The following FRMD4B variants were observed in gnomAD, a reference collection of about 807,000 sequenced individuals.
FRMD4B encodes FERM domain-containing protein 4B.
Under a neutral mutation model 141.5 loss-of-function variants are expected in FRMD4B, and 74 were observed. The ratio of observed to expected loss-of-function variants is 0.52; its 90% CI spans 0.43 to 0.63. The LOEUF is 0.63. Among genes scored for constraint, FRMD4B ranks in the 30% least tolerant of loss-of-function variants. The pLI, the probability that FRMD4B is intolerant of heterozygous loss-of-function variation, is 0.00. For synonymous variants in FRMD4B, 506 were observed against 467.9 expected (o/e 1.08, Z -1.05); for missense variants, 1,366 against 1,253.4 (o/e 1.09, Z -1.36).
At chr3:69,221,790 T>G (rs2093197371) in intron 9 of FRMD4B, 68 bp downstream of exon 9, 2 of 803,912 alleles carry the variant, frequency 2.5e-6, no homozygotes, top group Non-Finnish European at 4.3e-6. Flanking sequence ...ACAACAGAAA[T>G]CATTTCAAGT....
intron 1 of FRMD4B, among the ~76,000 whole-genome samples, chr3:69,527,804 G>T (rs1294114511): frequency 6.6e-6 from 1 of 152,158 alleles, no homozygotes; most frequent in Admixed American, 6.5e-5. Context: ...ATACAAATTT[G>T]ATTCTCAAGT....
intron 2 of FRMD4B, among the ~76,000 whole-genome samples, chr3:69,392,151 G>GCAT (rs1704395080): frequency 6.6e-6 from 1 of 152,218 alleles, no homozygotes. Flanking sequence ...TTCGCACTAT[G>GCAT]CATCAGGCAG....
At chr3:69,394,305 A>G (rs1192350751) in intron 2 of FRMD4B, among the ~76,000 whole-genome samples, 2 of 152,224 alleles carry the variant, frequency 1.3e-5, no homozygotes, top group Non-Finnish European at 2.9e-5. Context: ...TCCAAGCCCA[A>G]TTACCTCCCC....
At chr3:69,284,853 C>G (rs1200752260) in intron 5 of FRMD4B, among the ~76,000 whole-genome samples, 1 of 152,114 alleles carries the variant, frequency 6.6e-6, no homozygotes, top group Non-Finnish European at 1.5e-5. Context: ...GGATCCAAAT[C>G]AAACCTCTAA....
At chr3:69,262,760 C>T (rs2093536282) in intron 5 of FRMD4B, among the ~76,000 whole-genome samples, 1 of 151,634 alleles carries the variant, frequency 6.6e-6, no homozygotes, top group Admixed American at 6.6e-5. Flanking sequence ...GCGCCCGGTC[C>T]ACAAATAAGT....
chr3:69,484,895 C>T (rs1275993718), intron 1 of FRMD4B, among the ~76,000 whole-genome samples: 2 of 152,126 alleles, frequency 1.3e-5, no homozygotes, highest in Admixed American at 6.5e-5. Context: ...GAAAAAGCAC[C>T]ATGAGTTCTC....
rs1303741149 is a variant in FRMD4B, at chr3:69,316,593, C to A, written c.163-3076G>T. Among the ~76,000 whole-genome samples, 4 of 151,294 alleles carry A rather than the reference C, an allele frequency of 2.6e-5. No individual in the cohort carries two copies. In the South Asian group the frequency reaches 8.3e-4, roughly 31 times the overall value. On this transcript the variant is annotated intron_variant, in intron 1 of 22. Coordinates refer to ENST00000398540, the MANE Select transcript of FRMD4B (RefSeq NM_015123.3). ...AATAAAATGTGTCAGTATTTCTATACCAGAGGAGGATATAATTAAGAGAGA... is the reference window on the plus strand; with the variant it reads ...AATAAAATGTGTCAGTATTTCTATAACAGAGGAGGATATAATTAAGAGAGA...
chr3:69,240,522 AAACAATC>A (rs972759783), intron 7 of FRMD4B, among the ~76,000 whole-genome samples: 6 of 151,992 alleles, frequency 3.9e-5, no homozygotes, highest in Admixed American at 3.9e-4. Context: ...CGTAAAAGAA[AAACAATC>A]AATGCAGATA....
At chr3:69,325,309 C>T (rs1442216578) in intron 1 of FRMD4B, among the ~76,000 whole-genome samples, 1 of 152,212 alleles carries the variant, frequency 6.6e-6, no homozygotes, top group Non-Finnish European at 1.5e-5. Context: ...GCCATTGCTG[C>T]AGCTCTAATG....
intron 4 of FRMD4B, among the ~76,000 whole-genome samples, chr3:69,295,616 G>T (rs1395341199): frequency 2.0e-5 from 3 of 152,076 alleles, no homozygotes; most frequent in African/African-American, 7.2e-5. Flanking sequence ...ACGGTGGCTG[G>T]CCTGGGAGCA....
intron 21 of FRMD4B, among the ~76,000 whole-genome samples, chr3:69,180,246 C>CAAAAAAAAAAA (rs71115658): frequency 9.9e-6 from 1 of 101,052 alleles, no homozygotes; most frequent in African/African-American, 3.8e-5. Flanking sequence ...CTTGTTTCTA[C>CAAAAAAAAAAA]AAAAAAAAAA....
At chr3:69,402,029 C>A in intron 2 of FRMD4B, among the ~76,000 whole-genome samples, 1 of 152,222 alleles carries the variant, frequency 6.6e-6, no homozygotes, top group Non-Finnish European at 1.5e-5. Flanking sequence ...TATACAGCCT[C>A]CTGTCTCAGC....
At chr3:69,469,585 G>T (rs1251719778) in intron 1 of FRMD4B, among the ~76,000 whole-genome samples, 1 of 152,128 alleles carries the variant, frequency 6.6e-6, no homozygotes, top group Non-Finnish European at 1.5e-5. Context: ...CTTTTCCTCA[G>T]TTAAACTGCA....
chr3:69,531,233 T>C (rs891159053), intron 1 of FRMD4B, among the ~76,000 whole-genome samples: 8 of 152,172 alleles, frequency 5.3e-5, no homozygotes, highest in Non-Finnish European at 7.4e-5. Context: ...TTAGTAATAA[T>C]GGTAACTCTA....
chr3:69,409,835 T>G (rs1451441815), intron 2 of FRMD4B, among the ~76,000 whole-genome samples: 1 of 152,126 alleles, frequency 6.6e-6, no homozygotes, highest in Non-Finnish European at 1.5e-5. Context: ...AAAGCCCACA[T>G]GTGGGGAAAG....
chr3:69,340,848 AG>A (rs1326022796), intron 1 of FRMD4B, among the ~76,000 whole-genome samples: 1 of 152,198 alleles, frequency 6.6e-6, no homozygotes, highest in Non-Finnish European at 1.5e-5. Context: ...GTCTGCCTCT[AG>A]GTACTTTGTC....
chr3:69,218,409 T>G, intron 9 of FRMD4B, 30 bp from the exon 10 acceptor site: 1 of 1,053,828 alleles, frequency 9.5e-7, no homozygotes, highest in South Asian at 1.4e-5. Flanking sequence ...ATCACAATCT[T>G]ATTAAAATAG....
chr3:69,495,494 T>C (rs1441414777), intron 1 of FRMD4B, among the ~76,000 whole-genome samples: 3 of 152,208 alleles, frequency 2.0e-5, no homozygotes, highest in African/African-American at 4.8e-5. Context: ...CTCTCTATCG[T>C]TGGCTTCACT....
intron 1 of FRMD4B, chr3:69,536,343 C>T (rs1701084552): frequency 7.4e-6 from 5 of 671,430 alleles, no homozygotes; most frequent in South Asian, 3.4e-5. Flanking sequence ...CAGTGGCCCC[C>T]CTTGCTTCGG....
Sources: allele counts gnomAD v4.1 joint callset (sites outside exome capture counted in the v4.1 genomes callset), GRCh38; gene constraint gnomAD v4.1.1; transcripts MANE v1.5; gene names NCBI Gene and HGNC (gene_info 2026-07-23, HGNC 2026-07-21).